Variants in TLR5 observed in about 807,000 individuals in gnomAD.
TLR5 encodes toll-like receptor 5.
For missense variants in TLR5, 944 were observed against 999.8 expected, an observed-to-expected ratio of 0.94 and a Z score of 0.75; for synonymous variants, 373 against 384.4, an observed-to-expected ratio of 0.97 and a Z score of 0.35.
intron 2 of TLR5, among the ~76,000 whole-genome samples, chr1:223,140,858 C>A (rs570279925): frequency 6.6e-6 from 1 of 152,330 alleles, no homozygotes; most frequent in African/African-American, 2.4e-5. Flanking sequence ...CACATACTTT[C>A]GCACTTAATT....
intron 3 of TLR5, among the ~76,000 whole-genome samples, chr1:223,135,922 T>G (rs551381712): frequency 1.3e-5 from 2 of 152,144 alleles, no homozygotes; most frequent in African/African-American, 2.4e-5. Flanking sequence ...GACTTTTTTT[T>G]CCCCCTCTCC....
intron 5 of TLR5, among the ~76,000 whole-genome samples, chr1:223,119,255 C>A (rs1656822420): frequency 1.3e-5 from 2 of 152,258 alleles, no homozygotes; most frequent in South Asian, 4.2e-4. Context: ...ATGTCCTGCC[C>A]AAAGTCCCCA....
At position 223,112,231 on chromosome 1, in the gene TLR5, G is replaced by A. The variant is rs200513847; in HGVS notation, c.801C>T (p.Ala267=). Residue 267 remains alanine (A), a synonymous_variant, in exon 6 of 6, where the codon GCC becomes GCT. Coordinates refer to ENST00000642603, the MANE Select transcript of TLR5 (RefSeq NM_003268.6). ...SLILAHHIMG[A]GFGFHNIKDP... is the part of the protein sequence containing the mutation. ...CTTTGATGTTATGGAAGCCAAACCC[G>A]GCACCCATGATGTGGTGGGCAAGAA... 229 of 1,614,030 alleles carry A rather than the reference G, an allele frequency of 1.4e-4. No individual in the cohort carries two copies. The highest frequency in any genetic ancestry group is 3.3e-4 in the Middle Eastern group (2 of 6,084).
intron 4 of TLR5, chr1:223,134,268 T>G (rs968310759): frequency 1.3e-5 from 2 of 152,144 alleles, no homozygotes; most frequent in African/African-American, 4.8e-5. Flanking sequence ...CAGCCATCAT[T>G]TACGCAACTA....
At chr1:223,133,175 T>C (rs540962752) in intron 4 of TLR5, among the ~76,000 whole-genome samples, 1 of 152,316 alleles carries the variant, frequency 6.6e-6, no homozygotes, top group African/African-American at 2.4e-5. Flanking sequence ...TCCTGAAAGT[T>C]GAAGAGTTGG....
At chr1:223,116,156 T>C (rs1558122488) in intron 5 of TLR5, among the ~76,000 whole-genome samples, 1 of 152,232 alleles carries the variant, frequency 6.6e-6, no homozygotes, top group Admixed American at 6.5e-5. Flanking sequence ...TATTTGCTTA[T>C]TTATCATACT....
At chr1:223,115,660 G>C (rs1358824452) in intron 5 of TLR5, among the ~76,000 whole-genome samples, 1 of 151,900 alleles carries the variant, frequency 6.6e-6, no homozygotes, top group African/African-American at 2.4e-5. Flanking sequence ...AAAAGGAAGA[G>C]GAAATAGGTA....
intron 5 of TLR5, chr1:223,127,336 G>C (rs7541995): frequency 6.6e-6 from 1 of 152,192 alleles, no homozygotes; most frequent in South Asian, 2.1e-4. Context: ...AAACACTAAT[G>C]CATTTCCAAA....
intron 5 of TLR5, among the ~76,000 whole-genome samples, chr1:223,116,306 C>G (rs1188427720): frequency 6.6e-6 from 1 of 152,016 alleles, no homozygotes; most frequent in African/African-American, 2.4e-5. Flanking sequence ...GGAGTTTCTT[C>G]CTTCTGGGGG....
At chr1:223,117,002 G>A (rs561329739) in intron 5 of TLR5, among the ~76,000 whole-genome samples, 8 of 152,326 alleles carry the variant, frequency 5.3e-5, no homozygotes, top group South Asian at 2.1e-4. Context: ...ACCGGGCGCC[G>A]TGGAGCAGGG....
intron 5 of TLR5, 58 bp from the exon 6 acceptor site, chr1:223,113,093 G>T: frequency 6.5e-7 from 1 of 1,536,052 alleles, no homozygotes; most frequent in Non-Finnish European, 9.0e-7. Flanking sequence ...TATTGCACTG[G>T]GGTCTTCAGA....
chr1:223,141,802 T>G (rs1314706342), intron 1 of TLR5, 39 bp from the exon 2 acceptor site: 1 of 68,236 alleles, frequency 1.5e-5, no homozygotes, highest in African/African-American at 8.4e-5. Context: ...TATATATATA[T>G]ATATATATAT....
At chr1:223,113,298 C>T (rs1030142593) in intron 5 of TLR5, among the ~76,000 whole-genome samples, 7 of 152,138 alleles carry the variant, frequency 4.6e-5, no homozygotes, top group Non-Finnish European at 7.4e-5. Context: ...CTCCGCCTCC[C>T]GGGTTCAAGC....
chr1:223,112,837 G>C lies in TLR5; in HGVS notation c.195C>G (p.Ser65=), dbSNP rs377663706. 14 of 1,613,102 alleles carry C rather than the reference G, an allele frequency of 8.7e-6. No homozygotes were observed. The African/African-American group carries it at 1.6e-4, about 18-fold the overall frequency. Residue 65 remains serine (S), a synonymous_variant, in exon 6 of 6, where the codon TCC becomes TCG. Coordinates refer to ENST00000642603, the MANE Select transcript of TLR5 (RefSeq NM_003268.6). The part of the protein sequence containing the change: ...FNYIRTVTAS[S]FPFLEQLQLL... ...GCTGCAGCTGTTCCAGAAAGGGGAA[G>C]GATGAAGCAGTGACTGTCCTGATAT...
chr1:223,133,017 G>A lies in TLR5; in HGVS notation c.-169-378C>T, dbSNP rs367893596. On this transcript the variant is annotated intron_variant, in intron 4 of 5. Coordinates refer to ENST00000642603, the MANE Select transcript of TLR5 (RefSeq NM_003268.6). The stretch of plus-strand genomic sequence containing the variant: ...TTGTCCAGTGAGCAGAGAACTTCCA[G>A]ACAAAATGGTCTTGCGGCTCTCTAG... Among the ~76,000 whole-genome samples the A allele has an allele frequency of 3.9e-5, 6 of 152,312 alleles. No individual in the cohort carries two copies. The East Asian group carries it at 9.6e-4, about 24-fold the overall frequency.
chr1:223,136,269 G>C lies in TLR5; in HGVS notation c.-353+909C>G, dbSNP rs77551575. On this transcript the variant is annotated intron_variant, in intron 3 of 5. Transcript: ENST00000642603. ...GAAGCAGTGAGGACTTGCTAGGCAAGACAGGCACAAGAGTGCCTTCAGTGG... is the reference window on the plus strand; with the variant it reads ...GAAGCAGTGAGGACTTGCTAGGCAACACAGGCACAAGAGTGCCTTCAGTGG... 6.7e-3 allele frequency among the ~76,000 whole-genome samples: 1,027 copies of C among 152,350 alleles called. 7 individuals are homozygous for C. The highest frequency in any genetic ancestry group is 0.024 in the African/African-American group (986 of 41,574).
chr1:223,110,899 C>A lies in TLR5; in HGVS notation c.2133G>T (p.Leu711Phe), dbSNP rs1247181419. 1 of 1,614,224 alleles carries A rather than the reference C, an allele frequency of 6.2e-7. No individual in the cohort carries two copies. The highest frequency in any genetic ancestry group is 1.7e-5 in the Admixed American group (1 of 60,022). ...SKDFTWVQNA[L>F]LKHLDTQYSD... Reference sequence around the variant, plus strand: ...TGTATTGAGTGTCCAGGTGTTTGAGCAAAGCATTCTGCACCCATGTGAAGT... The same window carrying A: ...TGTATTGAGTGTCCAGGTGTTTGAGAAAAGCATTCTGCACCCATGTGAAGT... The change falls in exon 6 of 6, where the codon TTG becomes TTT. Residue 711 changes from leucine to phenylalanine, a missense_variant. Transcript: ENST00000642603.
intron 5 of TLR5, among the ~76,000 whole-genome samples, chr1:223,116,618 C>A (rs527915949): frequency 6.6e-6 from 1 of 152,312 alleles, no homozygotes; most frequent in South Asian, 2.1e-4. Flanking sequence ...CTGCTGGCCG[C>A]CGCAGCCTGC....
At chr1:223,127,019 G>A (rs1036851700) in intron 5 of TLR5, 2 of 152,202 alleles carry the variant, frequency 1.3e-5, no homozygotes, top group African/African-American at 4.8e-5. Context: ...ACTTATGCTT[G>A]GGGAGTTATG....
Sources: gnomAD v4.1 joint callset for allele counts (sites outside exome capture counted in the v4.1 genomes callset) on GRCh38, gnomAD v4.1.1 for gene constraint, MANE v1.5 for transcripts, NCBI Gene and HGNC (gene_info 2026-07-23, HGNC 2026-07-21) for gene names.